NDST1: variants seen among roughly 807,000 people sequenced by gnomAD.
NDST1 encodes the protein N-deacetylase and N-sulfotransferase 1.
In NDST1, 35 loss-of-function variants were observed where a neutral mutation model predicts 92.8. The ratio of observed to expected loss-of-function variants is 0.38; its 90% confidence interval spans 0.29 to 0.50. The LOEUF (loss-of-function observed/expected upper bound fraction) is 0.50, where lower values mean the gene tolerates loss of function less well. Ranked by LOEUF, NDST1 falls within the 20% of genes least tolerant of loss-of-function variation. The probability of loss-of-function intolerance (pLI) is 0.94; values close to 1 mark genes in which losing one functional copy is unlikely to be tolerated. For synonymous variants in NDST1, 493 were observed against 500.3 expected, an observed-to-expected ratio of 0.99 and a Z score of 0.19; for missense variants, 822 against 1,182.7, an observed-to-expected ratio of 0.69 and a Z score of 4.47.
intron 1 of NDST1, among the ~76,000 whole-genome samples, chr5:150,520,635 A>G (rs978558913): frequency 2.0e-5 from 3 of 152,198 alleles, no homozygotes; most frequent in Non-Finnish European, 4.4e-5. Context: ...ACGTTGTTGG[A>G]CTTAATCCTC....
intron 1 of NDST1, among the ~76,000 whole-genome samples, chr5:150,502,484 G>A (rs553370370): frequency 7.0e-4 from 107 of 152,210 alleles, no homozygotes; most frequent in Non-Finnish European, 1.3e-3. Context: ...TTAAGATTTG[G>A]GGTCAGCTGT....
At chr5:150,518,589 T>C (rs1754092423) in intron 1 of NDST1, among the ~76,000 whole-genome samples, 1 of 152,226 alleles carries the variant, frequency 6.6e-6, no homozygotes. Flanking sequence ...TTTCTTTTTT[T>C]GCATTTAGCA....
At chr5:150,536,981 A>G (rs986153806) in intron 6 of NDST1, among the ~76,000 whole-genome samples, 8 of 152,264 alleles carry the variant, frequency 5.3e-5, no homozygotes, top group Non-Finnish European at 1.0e-4. Flanking sequence ...ATGCTCATGC[A>G]TGTGTGTTGT....
intron 1 of NDST1, among the ~76,000 whole-genome samples, chr5:150,516,566 A>C (rs1206758533): frequency 6.6e-6 from 1 of 152,244 alleles, no homozygotes; most frequent in East Asian, 1.9e-4. Flanking sequence ...AATCGAAGCC[A>C]CTTGGCTCCA....
intron 2 of NDST1, among the ~76,000 whole-genome samples, chr5:150,522,151 G>A (rs759094267): frequency 3.4e-4 from 52 of 152,272 alleles, no homozygotes; most frequent in African/African-American, 1.1e-3. Flanking sequence ...CCAAGGCTCC[G>A]GGTGTTAAGT....
chr5:150,532,506 C>T (rs186646479), intron 3 of NDST1, among the ~76,000 whole-genome samples: 1 of 147,814 alleles, frequency 6.8e-6, no homozygotes, highest in East Asian at 2.0e-4. Flanking sequence ...TTAATGCCTG[C>T]TGTTGCCTTC....
At position 150,523,324 on chromosome 5, in the gene NDST1, C is replaced by T. The variant is rs1754323817; in HGVS notation, c.513+1557C>T. ...TCTTGGACTCTGTACCCTTTCCTGC[C>T]ATGAACTTCGTTAAGTTCTATTCAG... is the stretch of plus-strand genomic sequence containing the variant. On this transcript the variant is annotated intron_variant, in intron 2 of 14. Transcript: ENST00000261797. Among the ~76,000 whole-genome samples the T allele has an allele frequency of 2.6e-5, 4 of 152,220 alleles. No homozygotes were observed. In the South Asian group the frequency reaches 8.3e-4, roughly 32 times the overall value.
At chr5:150,535,635 G>A in intron 5 of NDST1, 65 bp from the exon 6 acceptor site, 4 of 1,568,176 alleles carry the variant, frequency 2.6e-6, no homozygotes, top group South Asian at 2.2e-5. Flanking sequence ...ATTCTACAAA[G>A]GGGGGATAAG....
intron 6 of NDST1, among the ~76,000 whole-genome samples, chr5:150,538,869 G>A (rs920259060): frequency 6.6e-6 from 1 of 152,240 alleles, no homozygotes; most frequent in African/African-American, 2.4e-5. Flanking sequence ...GTGTCACCAG[G>A]TGAGGTTCTA....
chr5:150,522,619 C>T (rs1754291418), intron 2 of NDST1, among the ~76,000 whole-genome samples: 2 of 152,148 alleles, frequency 1.3e-5, no homozygotes, highest in South Asian at 4.1e-4. Flanking sequence ...TGGTCCTGTG[C>T]TAGCGGTGAT....
chr5:150,503,231 TC>T (rs942503626), upstream of NDST1, among the ~76,000 whole-genome samples: 2 of 151,788 alleles, frequency 1.3e-5, no homozygotes, highest in African/African-American at 4.8e-5. Flanking sequence ...TCACCTGAGG[TC>T]AGGAGTTCGA....
intron 6 of NDST1, among the ~76,000 whole-genome samples, chr5:150,538,194 C>T (rs1330227996): frequency 3.9e-5 from 6 of 151,932 alleles, no homozygotes; most frequent in Non-Finnish European, 5.9e-5. Flanking sequence ...GCCGGGATGG[C>T]TGGAGGGGAG....
chr5:150,508,955 G>T (rs1447844895), intron 1 of NDST1, among the ~76,000 whole-genome samples: 1 of 152,144 alleles, frequency 6.6e-6, no homozygotes, highest in Non-Finnish European at 1.5e-5. Flanking sequence ...CTCACAGGCG[G>T]CAATGGAGGC....
chr5:150,524,597 A>G (rs879488853), intron 2 of NDST1, among the ~76,000 whole-genome samples: 6 of 152,246 alleles, frequency 3.9e-5, no homozygotes, highest in Admixed American at 1.3e-4. Flanking sequence ...TCTCACAGCT[A>G]TCCTGTGAAG....
Position 150,556,310 on chromosome 5 carries a change from C to G in NDST1, c.*2978C>G, listed in dbSNP as rs994062286. The stretch of plus-strand genomic sequence containing the variant: ...CCAGAGCCTTCTGTGGTGGAGCATC[C>G]TGCTGCTTGGAGGATGAGTCTGAAG... On this transcript the variant is annotated 3_prime_UTR_variant, in exon 15 of 15. Coordinates refer to ENST00000261797, the MANE Select transcript of NDST1 (RefSeq NM_001543.5). 2.0e-5 allele frequency: 3 copies of G among 152,278 alleles called. No homozygotes were observed. Among genetic ancestry groups the G allele is most frequent in the South Asian group, 4.1e-4 (2 of 4,820 alleles). 9.4% of individuals were successfully genotyped at this position (152,278 alleles called of 1,614,324 possible). A position where few individuals can be genotyped will look rare whatever the true frequency, so the allele number is the denominator to read the frequency against.
intron 11 of NDST1, among the ~76,000 whole-genome samples, chr5:150,547,670 T>C (rs1378098233): frequency 2.0e-5 from 3 of 152,216 alleles, no homozygotes; most frequent in African/African-American, 7.2e-5. Flanking sequence ...CATTTGTGTC[T>C]GGCTGGAGTT....
At chr5:150,526,883 G>C (rs1161733146) in intron 2 of NDST1, among the ~76,000 whole-genome samples, 2 of 152,248 alleles carry the variant, frequency 1.3e-5, no homozygotes, top group Non-Finnish European at 2.9e-5. Context: ...GGGGCACACT[G>C]TCTTCAGACT....
At chr5:150,539,394 G>A (rs1173175390) in intron 7 of NDST1, 38 bp downstream of exon 7, 1 of 1,613,006 alleles carries the variant, frequency 6.2e-7, no homozygotes, top group East Asian at 2.2e-5. Flanking sequence ...GGTGAGAAGG[G>A]GCTGCTGCAC....
chr5:150,516,107 G>C (rs887652103), intron 1 of NDST1, among the ~76,000 whole-genome samples: 35 of 152,360 alleles, frequency 2.3e-4, no homozygotes, highest in Admixed American at 2.6e-4. Context: ...AAGGGCCACA[G>C]CCTCCAAAGA....
Sources: gnomAD v4.1 joint callset for allele counts (sites outside exome capture counted in the v4.1 genomes callset) on GRCh38, gnomAD v4.1.1 for gene constraint, MANE v1.5 for transcripts, NCBI Gene and HGNC (gene_info 2026-07-23, HGNC 2026-07-21) for gene names.